The following LANCL3 variants were observed in gnomAD, a reference collection of about 807,000 sequenced individuals.
LANCL3 encodes the protein LanC like family member 3, also known as lanC-like protein 3.
A neutral mutation model predicts 26.5 loss-of-function variants in LANCL3; 19 were observed. The ratio of observed to expected loss-of-function variants is 0.72; its 90% confidence interval spans 0.50 to 1.05. LANCL3 has a LOEUF of 1.05. Among genes scored for constraint, LANCL3 ranks in the 50% least tolerant of loss-of-function variants. LANCL3 has a pLI of 0.00. For missense variants in LANCL3, 318 were observed against 362.7 expected, an observed-to-expected ratio of 0.88 and a Z score of 1.00; for synonymous variants, 160 against 166.6, an observed-to-expected ratio of 0.96 and a Z score of 0.30.
intron 1 of LANCL3, among the ~76,000 whole-genome samples, chrX:37,584,223 C>T (rs1923991020): frequency 9.0e-6 from 1 of 110,543 alleles, no homozygotes; most frequent in East Asian, 2.8e-4. Flanking sequence ...GGTTTGCCAG[C>T]ATTTTTTTGA....
chrX:37,663,577 G>A (rs782662137), intron 3 of LANCL3, among the ~76,000 whole-genome samples: 6 of 111,707 alleles, frequency 5.4e-5, no homozygotes, highest in South Asian at 3.8e-4. Context: ...AGGCATCTGG[G>A]TAATAGGGAG....
chrX:37,590,716 G>A (rs1208765637), intron 1 of LANCL3, among the ~76,000 whole-genome samples: 1 of 111,879 alleles, frequency 8.9e-6, no homozygotes, highest in African/African-American at 3.3e-5. Context: ...ACACCAACTG[G>A]GTTCTAAGTC....
At chrX:37,622,911 A>C (rs913029267) in intron 1 of LANCL3, among the ~76,000 whole-genome samples, 2 of 112,521 alleles carry the variant, frequency 1.8e-5, no homozygotes, top group Non-Finnish European at 1.9e-5. Flanking sequence ...ATCCAACTGC[A>C]CTATTTCTCC....
chrX:37,598,240 T>G (rs1235359111), intron 1 of LANCL3, among the ~76,000 whole-genome samples: 2 of 111,961 alleles, frequency 1.8e-5, no homozygotes, highest in African/African-American at 6.5e-5. Context: ...AGACTTTGTC[T>G]AAATTGAATT....
chrX:37,593,066 G>A (rs1924332873), intron 1 of LANCL3, among the ~76,000 whole-genome samples: 1 of 111,953 alleles, frequency 8.9e-6, no homozygotes, highest in African/African-American at 3.2e-5. Context: ...AATCAAGTGT[G>A]AAAGTAGAAA....
At chrX:37,611,710 C>A (rs138030985) in intron 1 of LANCL3, among the ~76,000 whole-genome samples, 1 of 111,542 alleles carries the variant, frequency 9.0e-6, no homozygotes, top group Non-Finnish European at 1.9e-5. Context: ...AGAGCATAGG[C>A]GTTGGAGCCA....
intron 1 of LANCL3, among the ~76,000 whole-genome samples, chrX:37,585,134 A>G (rs1556417688): frequency 8.9e-6 from 1 of 111,738 alleles, no homozygotes; most frequent in Non-Finnish European, 1.9e-5. Context: ...CCTGAGTTCT[A>G]GTTTGATTGC....
chrX:37,644,595 C>T (rs1443142113), intron 1 of LANCL3, among the ~76,000 whole-genome samples: 4 of 111,758 alleles, frequency 3.6e-5, no homozygotes, highest in Non-Finnish European at 7.5e-5. Flanking sequence ...TGGCCTGACC[C>T]AGCATGTTCA....
intron 1 of LANCL3, among the ~76,000 whole-genome samples, chrX:37,639,651 T>C (rs1925812253): frequency 9.0e-6 from 1 of 111,453 alleles, no homozygotes; most frequent in South Asian, 3.8e-4. Flanking sequence ...AGTTGCTTGT[T>C]CTAACCACCT....
chrX:37,673,550 C>T (rs1270064513), intron 4 of LANCL3, among the ~76,000 whole-genome samples: 4 of 110,321 alleles, frequency 3.6e-5, no homozygotes, highest in South Asian at 7.6e-4. Context: ...TGACTGAGAA[C>T]GTTTTAGAAA....
chrX:37,631,858 A>G (rs1276708069), intron 1 of LANCL3, among the ~76,000 whole-genome samples: 1 of 109,545 alleles, frequency 9.1e-6, no homozygotes, highest in Admixed American at 9.7e-5. Flanking sequence ...TGCTGAGGAG[A>G]GCTTTACTTC....
At chrX:37,636,656 T>A in intron 1 of LANCL3, among the ~76,000 whole-genome samples, 1 of 111,765 alleles carries the variant, frequency 8.9e-6, no homozygotes. Flanking sequence ...ACAATGCTAA[T>A]CTAGACAATT....
At chrX:37,583,077 C>G (rs1556417292) in intron 1 of LANCL3, among the ~76,000 whole-genome samples, 1 of 111,803 alleles carries the variant, frequency 8.9e-6, no homozygotes, top group African/African-American at 3.3e-5. Flanking sequence ...ATAGGGAATC[C>G]TTTCCCCATT....
At chrX:37,576,061 A>G (rs1156749179) in intron 1 of LANCL3, among the ~76,000 whole-genome samples, 1 of 112,245 alleles carries the variant, frequency 8.9e-6, no homozygotes, top group Non-Finnish European at 1.9e-5. Flanking sequence ...ATTGTGGTCC[A>G]TATAAGCTAG....
chrX:37,584,800 G>T (rs1924012735), intron 1 of LANCL3, among the ~76,000 whole-genome samples: 1 of 111,588 alleles, frequency 9.0e-6, no homozygotes, highest in African/African-American at 3.3e-5. Flanking sequence ...ATCTCCTTCA[G>T]TTCTGCTCTG....
rs922903569 is a variant in LANCL3, at chrX:37,681,054, A to G, written c.*5241A>G. On this transcript the variant is annotated 3_prime_UTR_variant, in exon 5 of 5. Transcript: ENST00000378619. ...TGCTAGGTTGAAGCCATTAGTAACC[A>G]TCTGTAGAAGATAACAGCCATGAGT... The G allele has an allele frequency of 3.1e-4, 35 of 112,449 alleles. No homozygotes were observed. Among genetic ancestry groups the G allele is most frequent in the African/African-American group, 1.0e-3 (32 of 31,043 alleles). The allele number at this position is 112,449 out of a possible 1,213,427, so 9.3% of individuals were successfully genotyped here. A position where few individuals can be genotyped will look rare whatever the true frequency, so the allele number is the denominator to read the frequency against.
chrX:37,656,846 A>G (rs930318824), intron 2 of LANCL3, among the ~76,000 whole-genome samples: 8 of 112,953 alleles, frequency 7.1e-5, no homozygotes, highest in Non-Finnish European at 1.5e-4. Flanking sequence ...AACAACTTCA[A>G]TGAGTTTTCT....
chrX:37,631,325 A>G (rs1266596072), intron 1 of LANCL3, among the ~76,000 whole-genome samples: 3 of 111,300 alleles, frequency 2.7e-5, no homozygotes, highest in Non-Finnish European at 5.7e-5. Context: ...TGTTGTGTCT[A>G]TTTGATTCTT....
intron 1 of LANCL3, among the ~76,000 whole-genome samples, chrX:37,591,145 A>G (rs1230772435): frequency 2.7e-5 from 3 of 111,478 alleles, no homozygotes; most frequent in Non-Finnish European, 5.6e-5. Context: ...AGAGAGGTTT[A>G]GTAACTTGCC....
Sources: gnomAD v4.1 joint callset for allele counts (sites outside exome capture counted in the v4.1 genomes callset) on GRCh38, gnomAD v4.1.1 for gene constraint, MANE v1.5 for transcripts, NCBI Gene and HGNC (gene_info 2026-07-23, HGNC 2026-07-21) for gene names.